The following ADCY6 variants were observed in gnomAD, a reference collection of about 807,000 sequenced individuals.
The protein encoded by ADCY6 is adenylate cyclase type 6.
In ADCY6, 59 loss-of-function variants were observed where a neutral mutation model predicts 111.6. That is an observed-to-expected ratio of 0.53 (90% CI 0.43 to 0.66). The LOEUF (loss-of-function observed/expected upper bound fraction) is 0.66, where lower values mean the gene tolerates loss of function less well. Ranked by LOEUF, ADCY6 falls within the 30% of genes least tolerant of loss-of-function variation. The pLI is 0.00. For synonymous variants in ADCY6, 576 were observed against 642.9 expected (o/e 0.90, Z 1.57); for missense variants, 1,242 against 1,595.6 (o/e 0.78, Z 3.78).
At position 48,776,371 on chromosome 12, in the gene ADCY6, G is replaced by T. The variant is rs1164001936; in HGVS notation, c.1536-21C>A. The T allele has an allele frequency of 6.2e-7, 1 of 1,614,128 alleles. No individual in the cohort carries two copies. The highest frequency in any genetic ancestry group is 8.5e-7 in the Non-Finnish European group (1 of 1,179,996). ...TGCGGCTGTATGTGGCCAAGAGGGTGAGACCCTGGCTCTCCCACCTTGCCC... is the reference window on the plus strand; with the variant it reads ...TGCGGCTGTATGTGGCCAAGAGGGTTAGACCCTGGCTCTCCCACCTTGCCC... On this transcript the variant is annotated intron_variant, in intron 7 of 21. Transcript: ENST00000357869. The surrounding 1 kb of genome is among the most constrained non-coding windows in gnomAD (Gnocchi z 6.1).
chr12:48,774,915 T>C (rs777818196), intron 12 of ADCY6, 42 bp downstream of exon 12: 3 of 1,532,056 alleles, frequency 2.0e-6, no homozygotes, highest in African/African-American at 2.8e-5. Flanking sequence ...TTCTGGGAAG[T>C]GGTGAAGAGA....
chr12:48,775,102 G>A (rs114193308), intron 11 of ADCY6, 48 bp from the exon 12 acceptor site: 8 of 1,509,532 alleles, frequency 5.3e-6, no homozygotes, highest in Non-Finnish European at 7.2e-6. Flanking sequence ...CCTAAGGAAG[G>A]CAGGGACAGC....
chr12:48,777,319 A>T lies in ADCY6; in HGVS notation c.1249-88T>A, dbSNP rs1592160692. The T allele has an allele frequency of 1.3e-6, 2 of 1,596,580 alleles. No individual in the cohort carries two copies. The highest frequency in any genetic ancestry group is 4.5e-5 in the East Asian group (2 of 44,766). On this transcript the variant is annotated intron_variant, in intron 5 of 21. Coordinates refer to ENST00000357869, the MANE Select transcript of ADCY6 (RefSeq NM_015270.5). The surrounding 1 kb of genome is among the most constrained non-coding windows in gnomAD (Gnocchi z 4.9). ...GCCCACCACCCTCCACGCATACTCT[A>T]TCTGCCCTCAAATCCCCAGCTGCTG...
rs1394548737 is a variant in ADCY6 at position 48,775,046 on chromosome 12, C to T, written c.1989G>A (p.Arg663=). ...QREDLEKKYS[R]KVDPRFGAYV... is the part of the protein sequence containing the mutation. ...AGGCTCCGAAGCGGGGATCCACCTT[C>T]CGGGAGTACTGAGGGAGAGGAGGCT... The change falls in exon 12 of 22, where the codon CGG becomes CGA. Residue 663 remains arginine, a synonymous_variant. Transcript: ENST00000357869. 6.4e-7 allele frequency: 1 copy of T among 1,554,696 alleles called. No homozygotes were observed. Among genetic ancestry groups the T allele is most frequent in the Non-Finnish European group, 8.7e-7 (1 of 1,148,592 alleles).
In ADCY6 at chr12:48,774,465, T is replaced by A. The variant is rs1354721243; in HGVS notation, c.2220A>T (p.Ala740=). 6.2e-7 allele frequency: 1 copy of A among 1,613,998 alleles called. No individual in the cohort carries two copies. The change falls in exon 14 of 22, where the codon GCA becomes GCT. Residue 740 remains alanine (A), a synonymous_variant. Transcript: ENST00000357869. ...AAAAGATGCCAACTGCGGTGCTATG[T>A]GCCCGTGAGCGGACAATGCTGCGGG... ...RLSRSIVRSR[A]HSTAVGIFSV...
chr12:48,775,205 T>C, intron 11 of ADCY6, 98 bp downstream of exon 11: 1 of 1,545,776 alleles, frequency 6.5e-7, no homozygotes, highest in Non-Finnish European at 8.8e-7. Context: ...CCCTTCTCCA[T>C]CCCCCAGAAA....
Position 48,768,489 on chromosome 12 carries a change from G to T in ADCY6, c.*102C>A. On this transcript the variant is annotated 3_prime_UTR_variant, in exon 22 of 22. Coordinates refer to ENST00000357869, the MANE Select transcript of ADCY6 (RefSeq NM_015270.5). ...GATGTTCCCTTTTGTGGTTAGCAGGGTCTGGAGGCTCAGTGCCCCCTGCCA... is the reference window on the plus strand; with the variant it reads ...GATGTTCCCTTTTGTGGTTAGCAGGTTCTGGAGGCTCAGTGCCCCCTGCCA... 1 of 1,541,860 alleles carries T rather than the reference G, an allele frequency of 6.5e-7. No individual in the cohort carries two copies. The highest frequency in any genetic ancestry group is 8.9e-7 in the Non-Finnish European group (1 of 1,118,504).
At position 48,782,806 on chromosome 12, in the gene ADCY6, A is replaced by C. The variant is rs778607136; in HGVS notation, c.629T>G (p.Val210Gly). 1 of 1,613,850 alleles carries C rather than the reference A, an allele frequency of 6.2e-7. No individual in the cohort carries two copies. Among genetic ancestry groups the C allele is most frequent in the Non-Finnish European group, 8.5e-7 (1 of 1,179,904 alleles). ...RHSFRQDSMW[V>G]VSYVVLGILA... is the part of the protein sequence containing the mutation. ...GATGCCCAGCACCACGTAGCTCACC[A>C]CCCACATGGAGTCCTGGCGGAAGCT... The change falls in exon 2 of 22, where the codon GTG becomes GGG. Residue 210 changes from valine (V) to glycine (G), a missense_variant. Transcript: ENST00000357869. The surrounding 1 kb of genome is among the most constrained non-coding windows in gnomAD (Gnocchi z 4.3).
At chr12:48,769,780 G>A (rs1941480896) in intron 20 of ADCY6, among the ~76,000 whole-genome samples, 2 of 147,938 alleles carry the variant, frequency 1.4e-5, no homozygotes, top group African/African-American at 5.0e-5. Flanking sequence ...TTTTTTGGGG[G>A]GGACAGAGTC....
chr12:48,782,892 C>T lies in ADCY6; in HGVS notation c.543G>A (p.Val181=). 6.2e-7 allele frequency: 1 copy of T among 1,613,918 alleles called. No individual in the cohort carries two copies. ...AAPARPQPAY[V]ALLACAAALF... ...GGGCGGCGGCACAGGCCAACAGTGC[C>T]ACATAGGCAGGCTGAGGGCGGGCGG... Residue 181 remains valine (V), a synonymous_variant, in exon 2 of 22, where the codon GTG becomes GTA. Transcript: ENST00000357869. This position sits in a 1 kb window ranked among gnomAD's most constrained non-coding sequence, Gnocchi z 4.3.
At chr12:48,787,180 C>T (rs1941992956) in intron 1 of ADCY6, among the ~76,000 whole-genome samples, 1 of 152,136 alleles carries the variant, frequency 6.6e-6, no homozygotes, top group South Asian at 2.1e-4. Flanking sequence ...CCACCATCCA[C>T]CACCCACAAC....
Position 48,782,867 on chromosome 12 carries a change from G to C in ADCY6, c.568C>G (p.Leu190Val), listed in dbSNP as rs1273929291. 1 of 1,614,046 alleles carries C rather than the reference G, an allele frequency of 6.2e-7. No homozygotes were observed. Among genetic ancestry groups the C allele is most frequent in the Admixed American group, 1.7e-5 (1 of 60,030 alleles). Residue 190 changes from leucine to valine, a missense_variant, in exon 2 of 22, where the codon CTG (leucine) becomes GTG (valine). This residue lies in a region of ADCY6 where 362 missense variants were observed against 377.2 expected (regional missense o/e 0.96). Coordinates refer to ENST00000357869, the MANE Select transcript of ADCY6 (RefSeq NM_015270.5). The surrounding 1 kb of genome is among the most constrained non-coding windows in gnomAD (Gnocchi z 4.3). ...YVALLACAAA[L>V]FVGLMVVCNR... ...CACACCACCATGAGCCCCACGAACA[G>C]GGCGGCGGCACAGGCCAACAGTGCC... is the stretch of plus-strand genomic sequence containing the variant.
rs1384133992 is a variant in ADCY6 at position 48,771,606 on chromosome 12, C to A, written c.3051+104G>T. ...ACCCTTACCCCTGATGACTCTGGGTCCCATCAAATCTCTCTCTCTCTTCCC... is the reference window on the plus strand; with the variant it reads ...ACCCTTACCCCTGATGACTCTGGGTACCATCAAATCTCTCTCTCTCTTCCC... On this transcript the variant is annotated intron_variant, in intron 19 of 21. Coordinates refer to ENST00000357869, the MANE Select transcript of ADCY6 (RefSeq NM_015270.5). This position sits in a 1 kb window ranked among gnomAD's most constrained non-coding sequence, Gnocchi z 4.3. 2 of 1,550,260 alleles carry A rather than the reference C, an allele frequency of 1.3e-6. No individual in the cohort carries two copies. Among genetic ancestry groups the A allele is most frequent in the African/African-American group, 2.7e-5 (2 of 73,810 alleles).
At chr12:48,772,624 T>C in intron 16 of ADCY6, 81 bp from the exon 17 acceptor site, 3 of 1,510,622 alleles carry the variant, frequency 2.0e-6, no homozygotes, top group South Asian at 1.1e-5. Context: ...GACAAGAGAC[T>C]GCATTTACTG....
rs1204429395 is a variant in ADCY6 at position 48,788,897 on chromosome 12, C to G, written c.-5+9G>C. ...AGCGGCCACTTCCCCTAGCCCTCAGCGCGCTCACCTGCCGGCCCGGCTCCG... is the reference window on the plus strand; with the variant it reads ...AGCGGCCACTTCCCCTAGCCCTCAGGGCGCTCACCTGCCGGCCCGGCTCCG... On this transcript the variant is annotated intron_variant, in intron 1 of 21. Transcript: ENST00000357869. 2 of 150,778 alleles carry G rather than the reference C, an allele frequency of 1.3e-5. No homozygotes were observed. Among genetic ancestry groups the G allele is most frequent in the African/African-American group, 4.9e-5 (2 of 41,204 alleles). The allele number at this position is 150,778 out of a possible 1,614,324, so 9.3% of individuals were successfully genotyped here. A position where few individuals can be genotyped will look rare whatever the true frequency, so the allele number is the denominator to read the frequency against.
intron 1 of ADCY6, among the ~76,000 whole-genome samples, chr12:48,788,299 TG>T (rs1942018451): frequency 6.6e-6 from 1 of 152,108 alleles, no homozygotes; most frequent in Non-Finnish European, 1.5e-5. Context: ...AGGGGTAATC[TG>T]GTAAGGAGAG....
At position 48,774,718 on chromosome 12, in the gene ADCY6, C is replaced by G. The variant is rs143466683; in HGVS notation, c.2139G>C (p.Leu713=). ...SIFLLLLITV[L]ICAVYSCGSL... The stretch of plus-strand genomic sequence containing the variant: ...AACCACAGGAGTACACAGCACAGAT[C>G]AGCACGGTGATTAGCAGCAGCAGGA... Residue 713 remains leucine (L), a synonymous_variant, in exon 13 of 22, where the codon CTG becomes CTC. Transcript: ENST00000357869. 295 of 1,614,118 alleles carry G rather than the reference C, an allele frequency of 1.8e-4. 1 individual carries two copies. The African/African-American group carries it at 3.4e-3, about 18-fold the overall frequency.
intron 2 of ADCY6, among the ~76,000 whole-genome samples, chr12:48,781,412 C>A (rs10875874): frequency 0.25 from 37,878 of 152,038 alleles, 5,592 homozygotes; most frequent in African/African-American, 0.41. Flanking sequence ...GTGGAGGACC[C>A]AGGCGCTGTG....
Position 48,782,986 on chromosome 12 carries a change from C to T in ADCY6, c.449G>A (p.Ser150Asn). Residue 150 changes from serine to asparagine, a missense_variant, in exon 2 of 22, where the codon AGC becomes AAC. Around this residue, in one of 4 missense-constraint regions of ADCY6, gnomAD observed 362 missense variants for 377.2 expected, o/e 0.96. Transcript: ENST00000357869. This position sits in a 1 kb window ranked among gnomAD's most constrained non-coding sequence, Gnocchi z 4.3. ...CACCGCCATCAGCAGCGTCAGGCTGCTCTGGTTCATCTGGAAGAAGTACCG... is the reference window on the plus strand; with the variant it reads ...CACCGCCATCAGCAGCGTCAGGCTGTTCTGGTTCATCTGGAAGAAGTACCG... ...YQRYFFQMNQ[S>N]SLTLLMAVLV... 1 of 1,613,762 alleles carries T rather than the reference C, an allele frequency of 6.2e-7. No homozygotes were observed. The highest frequency in any genetic ancestry group is 1.3e-5 in the African/African-American group (1 of 75,062).
Sources: gnomAD v4.1 joint callset for allele counts (sites outside exome capture counted in the v4.1 genomes callset) on GRCh38, gnomAD v4.1.1 for gene constraint, gnomAD v4.1.1 regional missense constraint, Gnocchi (gnomAD v3.1) non-coding constraint, MANE v1.5 for transcripts, NCBI Gene and HGNC (gene_info 2026-07-23, HGNC 2026-07-21) for gene names.